The following PTPRJ variants were observed in gnomAD, a reference collection of about 807,000 sequenced individuals.
The protein encoded by PTPRJ is receptor-type tyrosine-protein phosphatase eta.
PTPRJ carries 129 observed loss-of-function variants against 141.3 expected under a neutral mutation model. The observed-to-expected ratio is 0.91, with a 90% confidence interval of 0.79 to 1.06. The LOEUF is 1.06. PTPRJ is among the 50% of genes least tolerant of loss of function. The pLI, the probability that PTPRJ is intolerant of heterozygous loss-of-function variation, is 0.00. For synonymous variants in PTPRJ, 610 were observed against 640.5 expected (o/e 0.95, Z 0.72); for missense variants, 1,601 against 1,679.7 (o/e 0.95, Z 0.82).
chr11:48,105,751 T>C lies in PTPRJ; in HGVS notation c.97-4307T>C, dbSNP rs536503758. On this transcript the variant is annotated intron_variant, in intron 1 of 24. Coordinates refer to ENST00000418331, the MANE Select transcript of PTPRJ (RefSeq NM_002843.4). The stretch of plus-strand genomic sequence containing the variant: ...TGTGCCGCAGATCTCTGTGTGCTCC[T>C]GAGACTCTGCCCGCCTGTCTCTACC... Among the ~76,000 whole-genome samples, 6 of 152,270 alleles carry C rather than the reference T, an allele frequency of 3.9e-5. No homozygotes were observed. The South Asian group carries it at 6.2e-4, about 16-fold the overall frequency.
intron 1 of PTPRJ, among the ~76,000 whole-genome samples, chr11:48,039,350 C>A (rs114067617): frequency 0.068 from 10,164 of 149,638 alleles, 1,096 homozygotes; most frequent in African/African-American, 0.23. Context: ...AAAAAAAAAA[C>A]AACAAACTGC....
At chr11:48,163,405 ATGT>A in intron 22 of PTPRJ, 50 bp from the exon 23 acceptor site, 1 of 1,535,606 alleles carries the variant, frequency 6.5e-7, no homozygotes, top group Non-Finnish European at 8.9e-7. Flanking sequence ...TGCCTTTTTG[ATGT>A]TGTTAGGCAG....
intron 1 of PTPRJ, among the ~76,000 whole-genome samples, chr11:48,085,384 A>G (rs1855675361): frequency 6.6e-6 from 1 of 151,824 alleles, no homozygotes; most frequent in Admixed American, 6.6e-5. Flanking sequence ...TCACCCAGCC[A>G]CCCAGGCTGG....
intron 1 of PTPRJ, among the ~76,000 whole-genome samples, chr11:47,996,827 C>T (rs1293813195): frequency 2.0e-5 from 3 of 152,180 alleles, no homozygotes; most frequent in Non-Finnish European, 2.9e-5. Flanking sequence ...GAAGAGAAAT[C>T]GTTGGAGATG....
Position 48,142,954 on chromosome 11 carries a change from T to C in PTPRJ, c.2479T>C (p.Ser827Pro). The C allele has an allele frequency of 6.2e-7, 1 of 1,614,146 alleles. No individual in the cohort carries two copies. The highest frequency in any genetic ancestry group is 8.5e-7 in the Non-Finnish European group (1 of 1,179,986). Residue 827 changes from serine to proline, a missense_variant, in exon 12 of 25, where the codon TCT (serine) becomes CCT (proline). Ser to Pro is a moderately conservative substitution (Grantham distance 74, BLOSUM62 -1). Coordinates refer to ENST00000418331, the MANE Select transcript of PTPRJ (RefSeq NM_002843.4). ...PPPDGSPNIT[S>P]VSHNSVKVKF... ...TCCAGATGGATCCCCTAATATTACA[T>C]CTGTCAGTCACAATTCAGTAAAGGT... is the stretch of plus-strand genomic sequence containing the variant.
At chr11:48,024,442 C>A (rs2134216179) in intron 1 of PTPRJ, among the ~76,000 whole-genome samples, 1 of 152,320 alleles carries the variant, frequency 6.6e-6, no homozygotes, top group Admixed American at 6.5e-5. Flanking sequence ...AAGTGATCCA[C>A]CTGCCTTGCC....
chr11:48,077,523 T>G (rs1378887637), intron 1 of PTPRJ, among the ~76,000 whole-genome samples: 1 of 152,208 alleles, frequency 6.6e-6, no homozygotes, highest in Non-Finnish European at 1.5e-5. Flanking sequence ...CAGGACATAT[T>G]TCCTGAAGGC....
At chr11:48,016,726 A>G (rs1453484157) in intron 1 of PTPRJ, among the ~76,000 whole-genome samples, 1 of 152,052 alleles carries the variant, frequency 6.6e-6, no homozygotes, top group Non-Finnish European at 1.5e-5. Flanking sequence ...GGCATTAACC[A>G]CATGTGCCTG....
intron 1 of PTPRJ, among the ~76,000 whole-genome samples, chr11:47,994,314 G>A (rs1478399308): frequency 6.6e-6 from 1 of 151,958 alleles, no homozygotes; most frequent in Non-Finnish European, 1.5e-5. Flanking sequence ...TACTACAATA[G>A]GATAACCTCC....
intron 3 of PTPRJ, among the ~76,000 whole-genome samples, chr11:48,116,275 A>G (rs1856565134): frequency 6.6e-6 from 1 of 152,218 alleles, no homozygotes; most frequent in Admixed American, 6.5e-5. Flanking sequence ...GAGTAGCTAT[A>G]CTTATGTCAG....
At chr11:48,147,077 C>T in intron 15 of PTPRJ, 114 bp downstream of exon 15, 1 of 902,374 alleles carries the variant, frequency 1.1e-6, no homozygotes, top group Non-Finnish European at 1.8e-6. Context: ...GCCATGTTCC[C>T]TTCACCCATA....
chr11:48,080,755 C>T (rs777007316), intron 1 of PTPRJ, among the ~76,000 whole-genome samples: 35 of 152,176 alleles, frequency 2.3e-4, no homozygotes, highest in Non-Finnish European at 4.1e-4. Flanking sequence ...CCTGACACCC[C>T]GGCAGGATTG....
chr11:48,146,199 GATGGCTTT>G lies in PTPRJ; in HGVS notation c.2912-675_2912-668del, dbSNP rs374424652. ...GGAAGTAACTTGCCCAGGGTTACACGATGGCTTTAGAGGCAGGCCTGAAATTCTGGTCT... is the reference window on the plus strand; with the variant it reads ...GGAAGTAACTTGCCCAGGGTTACACGAGAGGCAGGCCTGAAATTCTGGTCT... On this transcript the variant is annotated intron_variant, in intron 14 of 24. Transcript: ENST00000418331. Among the ~76,000 whole-genome samples, 937 of 152,254 alleles carry G rather than the reference GATGGCTTT, an allele frequency of 6.2e-3. 2 individuals carry two copies. The highest frequency in any genetic ancestry group is 0.01 in the Non-Finnish European group (699 of 68,012).
chr11:48,036,517 A>G (rs959030766), intron 1 of PTPRJ, among the ~76,000 whole-genome samples: 1 of 152,184 alleles, frequency 6.6e-6, no homozygotes, highest in Non-Finnish European at 1.5e-5. Flanking sequence ...AATTGTTAAT[A>G]TTATTTAAAA....
At chr11:48,156,217 A>T (rs1388699439) in intron 21 of PTPRJ, 98 bp downstream of exon 21, 6 of 1,068,912 alleles carry the variant, frequency 5.6e-6, no homozygotes, top group Non-Finnish European at 6.7e-6. Flanking sequence ...CTTTAAAAAA[A>T]CTCAAACATT....
intron 2 of PTPRJ, among the ~76,000 whole-genome samples, chr11:48,111,523 G>C (rs546729181): frequency 1.3e-5 from 2 of 152,088 alleles, no homozygotes; most frequent in Admixed American, 1.3e-4. Flanking sequence ...AATTAATAAT[G>C]GTAATTAGAG....
intron 1 of PTPRJ, among the ~76,000 whole-genome samples, chr11:47,991,583 T>C (rs1854194795): frequency 6.6e-6 from 1 of 152,164 alleles, no homozygotes; most frequent in Non-Finnish European, 1.5e-5. Flanking sequence ...CGTTGTGTCA[T>C]GGGGAAGTTT....
chr11:48,150,944 A>G (rs1331812250), intron 18 of PTPRJ, among the ~76,000 whole-genome samples: 4 of 152,198 alleles, frequency 2.6e-5, no homozygotes, highest in Non-Finnish European at 5.9e-5. Flanking sequence ...CTGTGTGCTC[A>G]GACTGCCTTG....
intron 1 of PTPRJ, among the ~76,000 whole-genome samples, chr11:48,089,732 C>T (rs1364711485): frequency 6.6e-6 from 1 of 152,142 alleles, no homozygotes; most frequent in East Asian, 1.9e-4. Context: ...ATGTAAAATG[C>T]TTAGCAAGGT....
Sources: allele counts gnomAD v4.1 joint callset (sites outside exome capture counted in the v4.1 genomes callset), GRCh38; gene constraint gnomAD v4.1.1; transcripts MANE v1.5; gene names NCBI Gene and HGNC (gene_info 2026-07-23, HGNC 2026-07-21).